The following SNX25 variants were observed in gnomAD, a reference collection of about 807,000 sequenced individuals.
SNX25 encodes the protein sorting nexin 25.
Under a neutral mutation model 113.7 loss-of-function variants are expected in SNX25, and 62 were observed. That is an observed-to-expected ratio of 0.55 (90% CI 0.44 to 0.67). The LOEUF (loss-of-function observed/expected upper bound fraction) is 0.67. SNX25 is among the 30% of genes least tolerant of loss of function. SNX25 has a pLI of 0.00. For synonymous variants in SNX25, 421 were observed against 436.2 expected, an observed-to-expected ratio of 0.97 and a Z score of 0.43; for missense variants, 1,014 against 1,161.0, an observed-to-expected ratio of 0.87 and a Z score of 1.84.
intron 11 of SNX25, 93 bp downstream of exon 11, chr4:185,339,603 A>C (rs2095249689): frequency 2.1e-6 from 3 of 1,445,012 alleles, no homozygotes; most frequent in Non-Finnish European, 2.8e-6. Flanking sequence ...GAGGGTAGAA[A>C]ACTTACACTC....
chr4:185,257,426 G>C (rs1462521330), intron 2 of SNX25, among the ~76,000 whole-genome samples: 1 of 151,996 alleles, frequency 6.6e-6, no homozygotes, highest in African/African-American at 2.4e-5. Flanking sequence ...ACTAGACAGC[G>C]GCTATAGAGC....
intron 5 of SNX25, among the ~76,000 whole-genome samples, chr4:185,273,994 A>G (rs1305695559): frequency 2.0e-5 from 3 of 150,816 alleles, no homozygotes; most frequent in Non-Finnish European, 2.9e-5. Flanking sequence ...CTAGAATTTC[A>G]CCCATCATAT....
rs1311070800 is a variant in SNX25, at chr4:185,363,129, C to T, written c.2935-256C>T. Among the ~76,000 whole-genome samples, 1 of 152,100 alleles carries T rather than the reference C, an allele frequency of 6.6e-6. No homozygotes were observed. Among genetic ancestry groups the T allele is most frequent in the Non-Finnish European group, 1.5e-5 (1 of 68,008 alleles). ...AAGTGCTGGGATTACAGGCGGGAGC[C>T]ACCTCGCCCATCCTCCCTTGACTTT... On this transcript the variant is annotated intron_variant, in intron 18 of 18. Transcript: ENST00000652585. The surrounding 1 kb of genome is among the most constrained non-coding windows in gnomAD (Gnocchi z 4.2).
At chr4:185,315,809 C>T (rs2095069694) in intron 7 of SNX25, among the ~76,000 whole-genome samples, 1 of 152,176 alleles carries the variant, frequency 6.6e-6, no homozygotes, top group Non-Finnish European at 1.5e-5. Context: ...TCAGATTCAA[C>T]AATCTGTAAT....
At chr4:185,347,682 G>A (rs1013655404) in intron 13 of SNX25, among the ~76,000 whole-genome samples, 8 of 152,068 alleles carry the variant, frequency 5.3e-5, no homozygotes, top group African/African-American at 1.9e-4. Flanking sequence ...TGTTGGTCAG[G>A]TTGGTCTCAA....
downstream of SNX25, chr4:185,367,235 A>G: frequency 6.2e-7 from 1 of 1,611,958 alleles, no homozygotes; most frequent in Admixed American, 1.7e-5. Flanking sequence ...TGCGGGATTC[A>G]GACGACAAGC....
chr4:185,313,652 T>C (rs2095048290), intron 7 of SNX25, among the ~76,000 whole-genome samples: 1 of 152,210 alleles, frequency 6.6e-6, no homozygotes, highest in South Asian at 2.1e-4. Flanking sequence ...ATATGTATAT[T>C]GTGGGATATA....
At chr4:185,359,836 G>A (rs961715261) in intron 16 of SNX25, among the ~76,000 whole-genome samples, 3 of 152,222 alleles carry the variant, frequency 2.0e-5, no homozygotes, top group South Asian at 2.1e-4. Context: ...TGTGAGTGGT[G>A]CATACATCGG....
At chr4:185,211,074 G>A (rs1439874405) in intron 1 of SNX25, among the ~76,000 whole-genome samples, 1 of 152,142 alleles carries the variant, frequency 6.6e-6, no homozygotes, top group Non-Finnish European at 1.5e-5. Context: ...TCATTCTAAT[G>A]AAATTGCCCA....
At chr4:185,350,791 G>A (rs1467128282) in intron 13 of SNX25, among the ~76,000 whole-genome samples, 1 of 152,222 alleles carries the variant, frequency 6.6e-6, no homozygotes, top group Non-Finnish European at 1.5e-5. Context: ...GAACCCAGGA[G>A]GCAGAAGTTG....
intron 16 of SNX25, among the ~76,000 whole-genome samples, chr4:185,361,109 T>A (rs2095361027): frequency 1.3e-5 from 2 of 152,120 alleles, no homozygotes; most frequent in South Asian, 2.1e-4. Flanking sequence ...AAAGGGACTA[T>A]CTTTTTCCTT....
At chr4:185,298,952 T>G (rs1753239184) in intron 6 of SNX25, among the ~76,000 whole-genome samples, 1 of 152,128 alleles carries the variant, frequency 6.6e-6, no homozygotes, top group Non-Finnish European at 1.5e-5. Context: ...TACTCAACCT[T>G]TCTTGAGTAC....
chr4:185,331,462 A>G (rs976743665), intron 9 of SNX25, among the ~76,000 whole-genome samples: 4 of 152,200 alleles, frequency 2.6e-5, no homozygotes, highest in African/African-American at 4.8e-5. Context: ...ATCATTTTAT[A>G]TAACTATTTA....
Position 185,320,996 on chromosome 4 carries a change from T to C in SNX25, c.1476+132T>C, listed in dbSNP as rs55947659. 1,523 of 708,570 alleles carry C rather than the reference T, an allele frequency of 2.1e-3. 18 individuals carry two copies. In the African/African-American group the frequency reaches 0.026, roughly 12 times the overall value. 43.9% of individuals were successfully genotyped at this position (708,570 alleles called of 1,614,324 possible). A position where few individuals can be genotyped will look rare whatever the true frequency, so the allele number is the denominator to read the frequency against. On this transcript the variant is annotated intron_variant, in intron 8 of 18. Coordinates refer to ENST00000652585, the MANE Select transcript of SNX25 (RefSeq NM_001378034.2). ...TAAACCAAATATAATACTGACATTA[T>C]GTTCTAGCCCATAATGGCAAATAAA...
Position 185,339,439 on chromosome 4 carries a change from C to G in SNX25, c.1975C>G (p.Leu659Val), listed in dbSNP as rs2095248992. The G allele has an allele frequency of 6.2e-7, 1 of 1,614,106 alleles. No homozygotes were observed. Among genetic ancestry groups the G allele is most frequent in the Non-Finnish European group, 8.5e-7 (1 of 1,179,992 alleles). Residue 659 changes from leucine (L) to valine (V), a missense_variant, in exon 11 of 19, where the codon CTG (leucine) becomes GTG (valine). Physicochemically the swap from Leu to Val is conservative, Grantham distance 32. Transcript: ENST00000652585. ...AGAGAAAGAACGCACAGACCTTCAG[C>G]TGCACATGGCAAGAACGGATTGGTG... ...LIEKERTDLQ[L>V]HMARTDWWCE...
chr4:185,373,250 T>C (rs1258704147), downstream of SNX25, among the ~76,000 whole-genome samples: 1 of 152,070 alleles, frequency 6.6e-6, no homozygotes, highest in Non-Finnish European at 1.5e-5. Flanking sequence ...CCTAACACAG[T>C]GTGGAGGCGA....
intron 12 of SNX25, among the ~76,000 whole-genome samples, chr4:185,344,798 CACT>C (rs2095277282): frequency 6.6e-6 from 1 of 152,126 alleles, no homozygotes; most frequent in African/African-American, 2.4e-5. Context: ...CTGTTTTCAT[CACT>C]ACATACTATA....
At chr4:185,340,020 A>C (rs188570451) in intron 11 of SNX25, among the ~76,000 whole-genome samples, 53 of 152,232 alleles carry the variant, frequency 3.5e-4, no homozygotes, top group African/African-American at 1.2e-3. Flanking sequence ...TTTGTCTATA[A>C]AAATAATTTC....
chr4:185,362,049 A>G lies in SNX25; in HGVS notation c.2777A>G (p.Glu926Gly). The G allele has an allele frequency of 6.2e-7, 1 of 1,614,128 alleles. No homozygotes were observed. The highest frequency in any genetic ancestry group is 8.5e-7 in the Non-Finnish European group (1 of 1,179,980). Residue 926 changes from glutamate (E) to glycine (G), a missense_variant, in exon 17 of 19, where the codon GAG becomes GGG. Coordinates refer to ENST00000652585, the MANE Select transcript of SNX25 (RefSeq NM_001378034.2). The part of the protein sequence containing the change: ...LAPPTTIRSK[E>G]QSQETKQRAQ... ...CCACCGACCACAATCAGAAGCAAAG[A>G]GCAAAGTCAGGAAACAAAACAGAGA...
Sources: allele counts gnomAD v4.1 joint callset (sites outside exome capture counted in the v4.1 genomes callset), GRCh38; gene constraint gnomAD v4.1.1; non-coding constraint Gnocchi (gnomAD v3.1); transcripts MANE v1.5; gene names NCBI Gene and HGNC (gene_info 2026-07-23, HGNC 2026-07-21).